Variants in TEKT3 observed in about 807,000 individuals in gnomAD.
TEKT3 encodes the protein tektin-3.
A neutral mutation model predicts 49.8 loss-of-function variants in TEKT3; 49 were observed. That is an observed-to-expected ratio of 0.98 (90% CI 0.78 to 1.25). The LOEUF (loss-of-function observed/expected upper bound fraction) is 1.25, where lower values mean the gene tolerates loss of function less well. TEKT3 is among the 50% of genes most tolerant of loss of function. TEKT3 has a pLI of 0.00. For missense variants in TEKT3, 595 were observed against 629.5 expected (o/e 0.95, Z 0.59); for synonymous variants, 225 against 237.2 (o/e 0.95, Z 0.47).
At chr17:15,334,526 T>C (rs1052383495) in intron 2 of TEKT3, among the ~76,000 whole-genome samples, 4 of 152,168 alleles carry the variant, frequency 2.6e-5, no homozygotes, top group Admixed American at 6.5e-5. Context: ...AGGGGTGATA[T>C]CTGAAGATGC....
chr17:15,331,173 G>A lies in TEKT3; in HGVS notation c.413C>T (p.Thr138Ile). 6.2e-7 allele frequency: 1 copy of A among 1,614,152 alleles called. No homozygotes were observed. The highest frequency in any genetic ancestry group is 1.7e-5 in the Admixed American group (1 of 60,024). Reference protein sequence around the residue: ...IQDKYQQTRKTQADTTQNLGE... With the variant: ...IQDKYQQTRKIQADTTQNLGE... ...CAGATTTTGGGTTGTGTCTGCCTGA[G>A]TTTTTCTTGTTTGTTGATATTTGTC... Residue 138 changes from threonine to isoleucine, a missense_variant, in exon 3 of 9, where the codon ACT (threonine) becomes ATT (isoleucine). Physicochemically the swap from Thr to Ile is moderately conservative, Grantham distance 89 (BLOSUM62 -1). Transcript: ENST00000395930.
rs772827218 is a variant in TEKT3 at position 15,312,416 on chromosome 17, C to G, written c.944G>C (p.Arg315Pro). Reference sequence around the variant, plus strand: ...GTCTCTTAGCTTAGCGGAAGCTGCCCGTTCACTCTGGGAGCGGAGAATATT... The same window carrying G: ...GTCTCTTAGCTTAGCGGAAGCTGCCGGTTCACTCTGGGAGCGGAGAATATT... ...DDNILRSQSE[R>P]AASAKLRDDI... Residue 315 changes from arginine to proline, a missense_variant, in exon 7 of 9, where the codon CGG becomes CCG. Arg to Pro is a moderately radical substitution (Grantham distance 103). Transcript: ENST00000395930. The G allele has an allele frequency of 1.2e-6, 2 of 1,614,020 alleles. No individual in the cohort carries two copies. Among genetic ancestry groups the G allele is most frequent in the Admixed American group, 1.7e-5 (1 of 59,992 alleles).
intron 5 of TEKT3, among the ~76,000 whole-genome samples, chr17:15,315,178 G>A (rs769810369): frequency 1.4e-4 from 22 of 152,282 alleles, no homozygotes; most frequent in Non-Finnish European, 2.9e-4. Context: ...TGTGTGGTTC[G>A]AAGAACAATG....
At chr17:15,332,634 C>G (rs1405164340) in intron 2 of TEKT3, among the ~76,000 whole-genome samples, 1 of 152,122 alleles carries the variant, frequency 6.6e-6, no homozygotes, top group Non-Finnish European at 1.5e-5. Context: ...AACCTACAAC[C>G]TGTAAGCACC....
intron 2 of TEKT3, among the ~76,000 whole-genome samples, chr17:15,334,767 G>C (rs977825110): frequency 6.6e-6 from 1 of 152,150 alleles, no homozygotes; most frequent in Non-Finnish European, 1.5e-5. Flanking sequence ...AGCTCCACCA[G>C]CCATCTTGTA....
In TEKT3 at chr17:15,308,956, C is replaced by G; in HGVS notation, c.1102-138G>C. 3.8e-6 allele frequency: 4 copies of G among 1,056,732 alleles called. 1 individual carries two copies. The Admixed American group carries it at 8.4e-5, about 22-fold the overall frequency. 65.5% of individuals were successfully genotyped at this position (1,056,732 alleles called of 1,614,324 possible). A position where few individuals can be genotyped will look rare whatever the true frequency, so the allele number is the denominator to read the frequency against. On this transcript the variant is annotated intron_variant, in intron 7 of 8. Coordinates refer to ENST00000395930, the MANE Select transcript of TEKT3 (RefSeq NM_031898.3). The stretch of plus-strand genomic sequence containing the variant: ...GAGGAAGTTGCTTCACCAAGACCGT[C>G]TATCCTTTCCAGCCCTGCCCCAGGG...
At chr17:15,332,142 G>A (rs1911784724) in intron 2 of TEKT3, among the ~76,000 whole-genome samples, 1 of 152,052 alleles carries the variant, frequency 6.6e-6, no homozygotes, top group Non-Finnish European at 1.5e-5. Flanking sequence ...GCAATGAGCT[G>A]AGATCGCACC....
chr17:15,324,852 A>G lies in TEKT3; in HGVS notation c.663+3140T>C, dbSNP rs141778168. The stretch of plus-strand genomic sequence containing the variant: ...CATCTAAAAAACTGTTGCCTATTCC[A>G]ATGTCACGAATATTCATGCCTATGT... On this transcript the variant is annotated intron_variant, in intron 4 of 8. Transcript: ENST00000395930. 4.9e-4 allele frequency among the ~76,000 whole-genome samples: 75 copies of G among 152,326 alleles called. 1 individual carries two copies. The East Asian group carries it at 0.013, about 27-fold the overall frequency.
intron 4 of TEKT3, chr17:15,327,760 C>CT (rs1911551012): frequency 4.6e-6 from 2 of 437,402 alleles, no homozygotes; most frequent in Non-Finnish European, 8.2e-6. Context: ...TGATTTCTGT[C>CT]TAATAAAGCT....
chr17:15,340,389 A>C (rs1182211656), intron 1 of TEKT3: 1 of 151,890 alleles, frequency 6.6e-6, no homozygotes, highest in Non-Finnish European at 1.5e-5. Flanking sequence ...CAAAAAAAAA[A>C]AAAAAAAATT....
intron 5 of TEKT3, among the ~76,000 whole-genome samples, chr17:15,316,472 G>T (rs965438230): frequency 6.6e-6 from 1 of 152,156 alleles, no homozygotes; most frequent in East Asian, 1.9e-4. Context: ...CAAAGGAGGG[G>T]AGGGAGGAGG....
intron 7 of TEKT3, among the ~76,000 whole-genome samples, chr17:15,309,977 G>C (rs762861713): frequency 3.9e-5 from 6 of 152,128 alleles, no homozygotes; most frequent in Non-Finnish European, 8.8e-5. Context: ...CTACACTACA[G>C]AGACCTCGTG....
intron 5 of TEKT3, among the ~76,000 whole-genome samples, chr17:15,315,706 T>C (rs944224798): frequency 6.6e-6 from 1 of 151,960 alleles, no homozygotes; most frequent in African/African-American, 2.4e-5. Context: ...GTTGACATAG[T>C]AAACTTGAGT....
rs58983355 is a variant in TEKT3, at chr17:15,336,103, T to TAC, written c.-30+3923_-30+3924dup. ...CAAGAAGCTCCACAAACTCCAAGAA[T>TAC]ACACACACACACACACACACACATA... On this transcript the variant is annotated intron_variant, in intron 2 of 8. Coordinates refer to ENST00000395930, the MANE Select transcript of TEKT3 (RefSeq NM_031898.3). Among the ~76,000 whole-genome samples the TAC allele has an allele frequency of 4.6e-3, 692 of 149,122 alleles. 6 individuals are homozygous for TAC. The highest frequency in any genetic ancestry group is 0.016 in the South Asian group (73 of 4,700).
chr17:15,340,479 G>C (rs1020683395), intron 1 of TEKT3: 1 of 152,172 alleles, frequency 6.6e-6, no homozygotes, highest in African/African-American at 2.4e-5. Context: ...TCTGGGAGGC[G>C]GAGGTTCCGG....
At chr17:15,318,965 G>A (rs1171596197) in intron 5 of TEKT3, 112 bp downstream of exon 5, 5 of 777,826 alleles carry the variant, frequency 6.4e-6, no homozygotes, top group Non-Finnish European at 1.0e-5. Flanking sequence ...AAAAATATGT[G>A]TATATGCCTG....
chr17:15,335,709 A>G (rs951263708), intron 2 of TEKT3, among the ~76,000 whole-genome samples: 2 of 152,206 alleles, frequency 1.3e-5, no homozygotes, highest in African/African-American at 4.8e-5. Flanking sequence ...CAGTCAATGG[A>G]AGGAGGCCTA....
At chr17:15,329,989 C>T (rs1911652894) in intron 3 of TEKT3, among the ~76,000 whole-genome samples, 2 of 152,116 alleles carry the variant, frequency 1.3e-5, no homozygotes, top group African/African-American at 4.8e-5. Flanking sequence ...ATCGCATAGC[C>T]TGAGGGTTAG....
At chr17:15,314,401 A>G (rs2150737991) in intron 5 of TEKT3, 171 bp from the exon 6 acceptor site, 1 of 845,984 alleles carries the variant, frequency 1.2e-6, no homozygotes, top group African/African-American at 1.7e-5. Flanking sequence ...GGATATGCCC[A>G]TACCTCTACG....
Sources: allele counts gnomAD v4.1 joint callset (sites outside exome capture counted in the v4.1 genomes callset), GRCh38; gene constraint gnomAD v4.1.1; transcripts MANE v1.5; gene names NCBI Gene and HGNC (gene_info 2026-07-23, HGNC 2026-07-21).